Variants in HMGXB3 observed in about 807,000 individuals in gnomAD.
The protein encoded by HMGXB3 is HMG domain-containing protein 3.
HMGXB3 carries 45 observed loss-of-function variants against 121.5 expected under a neutral mutation model. That is an observed-to-expected ratio of 0.37 (90% confidence interval 0.29 to 0.47). The LOEUF (loss-of-function observed/expected upper bound fraction) is 0.47. HMGXB3 is among the 20% of genes least tolerant of loss of function. HMGXB3 has a pLI of 0.99. For synonymous variants in HMGXB3, 590 were observed against 624.1 expected (o/e 0.95, Z 0.81); for missense variants, 1,376 against 1,602.2 (o/e 0.86, Z 2.41).
rs897431285 is a variant in HMGXB3, at chr5:150,024,514, G to A, written c.1294G>A (p.Gly432Arg). ...DAHVLVKEAPGNCGTAVTKTP... is the reference protein window; with the variant it reads ...DAHVLVKEAPRNCGTAVTKTP... ...CCATGTTTTGGTTAAGGAAGCTCCC[G>A]GGAATTGTGGTACAGCAGTCACTAA... Residue 432 changes from glycine to arginine, a missense_variant, in exon 7 of 20, where the codon GGG becomes AGG. Gly to Arg is a moderately radical substitution (Grantham distance 125, BLOSUM62 -2). Around this residue, in one of 2 missense-constraint regions of HMGXB3, gnomAD observed 1,116 missense variants for 1,369.0 expected, o/e 0.82. Transcript: ENST00000502717. 3.9e-6 allele frequency: 6 copies of A among 1,551,650 alleles called. No homozygotes were observed. Among genetic ancestry groups the A allele is most frequent in the African/African-American group, 1.4e-5 (1 of 73,142 alleles).
intron 6 of HMGXB3, among the ~76,000 whole-genome samples, chr5:150,019,331 C>G (rs996840327): frequency 1.3e-5 from 2 of 152,108 alleles, no homozygotes; most frequent in Admixed American, 6.5e-5. Context: ...TAACACTCAT[C>G]ATCAGTTAAC....
At chr5:150,025,875 G>A (rs913509245) in intron 7 of HMGXB3, among the ~76,000 whole-genome samples, 12 of 150,184 alleles carry the variant, frequency 8.0e-5, no homozygotes, top group Admixed American at 7.3e-4. Context: ...TCGCTCTGTC[G>A]CCCAGGCTGG....
In HMGXB3 at chr5:150,026,761, G is replaced by T. The variant is rs1756240487; in HGVS notation, c.1516G>T (p.Gly506Cys). ...TCCAGAGCTTAAAGGCAGAGCACGGGGCAAGCCCTCATTACTGGCTGCAGC... is the reference window on the plus strand; with the variant it reads ...TCCAGAGCTTAAAGGCAGAGCACGGTGCAAGCCCTCATTACTGGCTGCAGC... ...RAPELKGRARGKPSLLAAARP... is the reference protein window; with the variant it reads ...RAPELKGRARCKPSLLAAARP... The change falls in exon 8 of 20, where the codon GGC (glycine) becomes TGC (cysteine). Residue 506 changes from glycine to cysteine, a missense_variant. By Grantham distance (159) the Gly-to-Cys change is radical (BLOSUM62 -3). This residue lies in a region of HMGXB3 where 1,116 missense variants were observed against 1,369.0 expected (regional missense o/e 0.82). Transcript: ENST00000502717. 6.4e-7 allele frequency: 1 copy of T among 1,551,268 alleles called. No individual in the cohort carries two copies. The highest frequency in any genetic ancestry group is 1.4e-5 in the African/African-American group (1 of 72,998).
At chr5:150,037,189 G>A (rs1306078285) in intron 12 of HMGXB3, among the ~76,000 whole-genome samples, 1 of 152,156 alleles carries the variant, frequency 6.6e-6, no homozygotes, top group African/African-American at 2.4e-5. Context: ...TTAGGTTTGG[G>A]AGTTCATTGG....
At chr5:150,009,475 A>C (rs930068342) in intron 3 of HMGXB3, among the ~76,000 whole-genome samples, 1 of 152,122 alleles carries the variant, frequency 6.6e-6, no homozygotes, top group East Asian at 1.9e-4. Flanking sequence ...AACCCCTTCT[A>C]TATATACTTT....
At position 150,000,742 on chromosome 5, in the gene HMGXB3, C is replaced by A. The variant is rs575858063; in HGVS notation, c.-440C>A. The stretch of plus-strand genomic sequence containing the variant: ...CGCCGGGACGGGTCTCCCTGGCGAT[C>A]CGTGGTGTGCCGCTACTGCCGGTGC... On this transcript the variant is annotated 5_prime_UTR_variant, in exon 1 of 20. Transcript: ENST00000502717. The A allele has an allele frequency of 1.4e-4, 22 of 154,782 alleles. No homozygotes were observed. Among genetic ancestry groups the A allele is most frequent in the African/African-American group, 5.3e-4 (22 of 41,622 alleles). The allele number at this position is 154,782 out of a possible 1,614,324, so 9.6% of individuals were successfully genotyped here. A position where few individuals can be genotyped will look rare whatever the true frequency, so the allele number is the denominator to read the frequency against.
chr5:150,009,935 A>G (rs763939785), intron 3 of HMGXB3, among the ~76,000 whole-genome samples, 176 bp from the exon 4 acceptor site: 12 of 152,144 alleles, frequency 7.9e-5, no homozygotes, highest in Non-Finnish European at 1.8e-4. Flanking sequence ...TGAAGATGAC[A>G]CTGCTGTTGA....
intron 1 of HMGXB3, among the ~76,000 whole-genome samples, chr5:150,002,284 A>G (rs1015832184): frequency 1.3e-5 from 2 of 152,184 alleles, no homozygotes; most frequent in African/African-American, 4.8e-5. Flanking sequence ...CAACATTGTC[A>G]AAAGAATTCT....
intron 5 of HMGXB3, among the ~76,000 whole-genome samples, chr5:150,016,248 G>T (rs1755956711): frequency 6.6e-6 from 1 of 151,872 alleles, no homozygotes; most frequent in East Asian, 1.9e-4. Flanking sequence ...GGCTGAGGTG[G>T]GAGGATTGCT....
rs1252541758 is a variant in HMGXB3, at chr5:150,040,839, G to A, written c.2505G>A (p.Val835=). The stretch of plus-strand genomic sequence containing the variant: ...TCAAGCTCGGAGAGGACCCCAGAGT[G>A]TCCATCAATGTTGTTCTGAAGTCGG... ...NQIKLGEDPR[V]SINVVLKSVQ... is the part of the protein sequence containing the mutation. The change falls in exon 14 of 20, where the codon GTG becomes GTA. Residue 835 remains valine (V), a synonymous_variant. Transcript: ENST00000502717. 5 of 1,551,584 alleles carry A rather than the reference G, an allele frequency of 3.2e-6. No homozygotes were observed. Among genetic ancestry groups the A allele is most frequent in the Middle Eastern group, 1.7e-4 (1 of 6,016 alleles).
chr5:150,037,532 G>C lies in HMGXB3; in HGVS notation c.2413+5G>C. 6.6e-7 allele frequency: 1 copy of C among 1,524,484 alleles called. No individual in the cohort carries two copies. Among genetic ancestry groups the C allele is most frequent in the Non-Finnish European group, 8.8e-7 (1 of 1,130,026 alleles). The allele number at this position is 1,524,484 out of a possible 1,614,324, so 94.4% of individuals were successfully genotyped here. A position where few individuals can be genotyped will look rare whatever the true frequency, so the allele number is the denominator to read the frequency against. Reference sequence around the variant, plus strand: ...GCTTCATAGACATCTACACAGGTGGGTGCCAACCTTCTCTTCCCTCAGAGC... The same window carrying C: ...GCTTCATAGACATCTACACAGGTGGCTGCCAACCTTCTCTTCCCTCAGAGC... On this transcript the variant is annotated splice_donor_5th_base_variant and intron_variant, in intron 13 of 19. Coordinates refer to ENST00000502717, the MANE Select transcript of HMGXB3 (RefSeq NM_014983.3).
chr5:150,005,980 C>T (rs1006895091), intron 2 of HMGXB3, among the ~76,000 whole-genome samples: 2 of 152,190 alleles, frequency 1.3e-5, no homozygotes, highest in African/African-American at 4.8e-5. Context: ...CCTTTGCTTC[C>T]AGGTTTCTGA....
intron 1 of HMGXB3, 43 bp from the exon 2 acceptor site, chr5:150,004,806 TAG>T (rs1158221760): frequency 7.3e-7 from 1 of 1,374,886 alleles, no homozygotes; most frequent in African/African-American, 1.5e-5. Flanking sequence ...CTGCCCCTCT[TAG>T]GGGAGATTCT....
rs1755553696 is a variant in HMGXB3, at chr5:150,001,156, G to A, written c.-26G>A. On this transcript the variant is annotated 5_prime_UTR_variant, in exon 1 of 20. Coordinates refer to ENST00000502717, the MANE Select transcript of HMGXB3 (RefSeq NM_014983.3). ...GCCAAGCGCCTCCGGGAATGTGAGCGGCGCAGCTTGCACGCTCCTCCGGGT... is the reference window on the plus strand; with the variant it reads ...GCCAAGCGCCTCCGGGAATGTGAGCAGCGCAGCTTGCACGCTCCTCCGGGT... 6.5e-6 allele frequency: 1 copy of A among 153,190 alleles called. No individual in the cohort carries two copies. Among genetic ancestry groups the A allele is most frequent in the African/African-American group, 2.4e-5 (1 of 41,502 alleles). The allele number at this position is 153,190 out of a possible 1,614,324, so 9.5% of individuals were successfully genotyped here. A position where few individuals can be genotyped will look rare whatever the true frequency, so the allele number is the denominator to read the frequency against.
chr5:150,026,386 T>A (rs550754377), intron 7 of HMGXB3, among the ~76,000 whole-genome samples: 1 of 152,218 alleles, frequency 6.6e-6, no homozygotes, highest in Non-Finnish European at 1.5e-5. Context: ...TAGAGGTAGA[T>A]TAGATGTTAC....
intron 14 of HMGXB3, 100 bp downstream of exon 14, chr5:150,040,979 T>C (rs1756618854): frequency 8.7e-7 from 1 of 1,151,442 alleles, no homozygotes; most frequent in East Asian, 2.8e-5. Context: ...AAGAAGAGTC[T>C]GATTATTTTG....
chr5:150,033,834 C>T (rs924768343), intron 11 of HMGXB3, among the ~76,000 whole-genome samples: 27 of 152,188 alleles, frequency 1.8e-4, no homozygotes, highest in Non-Finnish European at 1.5e-4. Context: ...GAATCTCACC[C>T]TGGTCTCCAG....
At chr5:150,019,526 AT>A (rs1756038859) in intron 6 of HMGXB3, among the ~76,000 whole-genome samples, 1 of 152,168 alleles carries the variant, frequency 6.6e-6, no homozygotes, top group Admixed American at 6.5e-5. Flanking sequence ...TACTTGCCAC[AT>A]TTTTTATATG....
chr5:150,042,679 G>T (rs1386474501), intron 15 of HMGXB3, among the ~76,000 whole-genome samples: 1 of 152,096 alleles, frequency 6.6e-6, no homozygotes, highest in South Asian at 2.1e-4. Context: ...GGTAACATGG[G>T]CTATTTTAAG....
Sources: gnomAD v4.1 joint callset for allele counts (sites outside exome capture counted in the v4.1 genomes callset) on GRCh38, gnomAD v4.1.1 for gene constraint, gnomAD v4.1.1 regional missense constraint, MANE v1.5 for transcripts, NCBI Gene and HGNC (gene_info 2026-07-23, HGNC 2026-07-21) for gene names.